ANGPT1: variants seen among roughly 807,000 people sequenced by gnomAD.
ANGPT1 encodes the protein angiopoietin 1.
Under a neutral mutation model 62.2 loss-of-function variants are expected in ANGPT1, and 17 were observed. That is an observed-to-expected ratio of 0.27 (90% CI 0.19 to 0.41). The LOEUF (loss-of-function observed/expected upper bound fraction) is 0.41. Among genes scored for constraint, ANGPT1 ranks in the 10% least tolerant of loss-of-function variants. The pLI is 1.00. For missense variants in ANGPT1, 478 were observed against 594.9 expected (o/e 0.80, Z 2.04); for synonymous variants, 199 against 198.9 (o/e 1.00, Z 0.00).
intron 1 of ANGPT1, among the ~76,000 whole-genome samples, chr8:107,408,080 A>G (rs1817186599): frequency 6.6e-6 from 1 of 152,206 alleles, no homozygotes; most frequent in Admixed American, 6.5e-5. Context: ...TTTCTTACAA[A>G]AAAATAAAAA....
At chr8:107,424,333 TG>T (rs1810981144) in intron 1 of ANGPT1, among the ~76,000 whole-genome samples, 1 of 152,146 alleles carries the variant, frequency 6.6e-6, no homozygotes, top group Admixed American at 6.5e-5. Context: ...TTGACTCTGG[TG>T]ATAAAATAAT....
intron 1 of ANGPT1, among the ~76,000 whole-genome samples, chr8:107,430,194 T>C (rs1020750695): frequency 6.6e-6 from 1 of 152,222 alleles, no homozygotes; most frequent in Admixed American, 6.5e-5. Context: ...TTAATGTTCT[T>C]GGAATTTCAC....
intron 1 of ANGPT1, among the ~76,000 whole-genome samples, chr8:107,417,551 C>T (rs1021161386): frequency 5.9e-5 from 9 of 151,962 alleles, no homozygotes; most frequent in African/African-American, 2.2e-4. Flanking sequence ...TTTCATCCCC[C>T]GTTATTTTCA....
chr8:107,324,561 C>T (rs1815241194), intron 3 of ANGPT1, among the ~76,000 whole-genome samples: 1 of 152,018 alleles, frequency 6.6e-6, no homozygotes, highest in Admixed American at 6.5e-5. Context: ...GACTTTCAGC[C>T]TCCAGAATAT....
chr8:107,453,515 G>A (rs746668268), intron 1 of ANGPT1, among the ~76,000 whole-genome samples: 34 of 151,962 alleles, frequency 2.2e-4, no homozygotes, highest in Non-Finnish European at 4.0e-4. Context: ...ATCTGATCTC[G>A]TGAGCCTTAT....
chr8:107,350,523 T>C (rs1815910065), intron 1 of ANGPT1, among the ~76,000 whole-genome samples: 1 of 152,090 alleles, frequency 6.6e-6, no homozygotes, highest in Non-Finnish European at 1.5e-5. Flanking sequence ...TGTGCTTTTT[T>C]TAATTATAAA....
chr8:107,432,339 T>C (rs549942353), intron 1 of ANGPT1, among the ~76,000 whole-genome samples: 5 of 152,302 alleles, frequency 3.3e-5, no homozygotes, highest in Admixed American at 2.6e-4. Context: ...GAGATATAGC[T>C]TTCTTAGGAA....
intron 1 of ANGPT1, among the ~76,000 whole-genome samples, chr8:107,469,682 A>T (rs577246037): frequency 6.6e-6 from 1 of 152,142 alleles, no homozygotes; most frequent in South Asian, 2.1e-4. Flanking sequence ...CAGACTACAC[A>T]TCCGCCTTAA....
chr8:107,432,554 C>T (rs1428725033), intron 1 of ANGPT1, among the ~76,000 whole-genome samples: 1 of 151,652 alleles, frequency 6.6e-6, no homozygotes, highest in Non-Finnish European at 1.5e-5. Context: ...GTCCCAGCTA[C>T]TCGGGAGGCT....
At chr8:107,261,283 AT>A (rs1813484445) in intron 8 of ANGPT1, among the ~76,000 whole-genome samples, 1 of 151,560 alleles carries the variant, frequency 6.6e-6, no homozygotes, top group Non-Finnish European at 1.5e-5. Context: ...TTAAAAAAAA[AT>A]ATTAGATTTG....
intron 7 of ANGPT1, chr8:107,284,372 T>C (rs991021856): frequency 5.2e-5 from 8 of 152,574 alleles, no homozygotes; most frequent in Non-Finnish European, 1.1e-4. Context: ...GTATGAAACT[T>C]ATCAGTTTTA....
chr8:107,376,065 A>G (rs1259610264), intron 1 of ANGPT1, among the ~76,000 whole-genome samples: 3 of 152,020 alleles, frequency 2.0e-5, no homozygotes, highest in Admixed American at 6.6e-5. Flanking sequence ...TTTTCCAAAC[A>G]TTTCCCTTCT....
At chr8:107,336,489 C>T (rs1815565527) in intron 2 of ANGPT1, 1 of 548,996 alleles carries the variant, frequency 1.8e-6, no homozygotes, top group African/African-American at 2.1e-5. Flanking sequence ...CATGGTGAAA[C>T]CCCGTCTCTA....
chr8:107,400,902 T>C (rs1167999096), intron 1 of ANGPT1, among the ~76,000 whole-genome samples: 2 of 151,974 alleles, frequency 1.3e-5, no homozygotes, highest in Non-Finnish European at 2.9e-5. Context: ...AGATTTACAC[T>C]AGATCATGCT....
At chr8:107,405,441 T>C (rs1228610148) in intron 1 of ANGPT1, among the ~76,000 whole-genome samples, 1 of 151,994 alleles carries the variant, frequency 6.6e-6, no homozygotes, top group Admixed American at 6.6e-5. Flanking sequence ...GCTGATATGA[T>C]GCCACAAATG....
intron 7 of ANGPT1, among the ~76,000 whole-genome samples, chr8:107,273,226 G>T (rs951534946): frequency 3.9e-5 from 6 of 152,118 alleles, no homozygotes; most frequent in African/African-American, 9.7e-5. Context: ...AGAGCAATAA[G>T]AAACTTTCTT....
chr8:107,300,034 G>T (rs193155767), intron 5 of ANGPT1, among the ~76,000 whole-genome samples: 1 of 138,030 alleles, frequency 7.2e-6, no homozygotes. Context: ...GTTATATCTA[G>T]ATATAACTAT....
chr8:107,444,070 GA>G (rs1299837874), intron 1 of ANGPT1, among the ~76,000 whole-genome samples: 7 of 152,130 alleles, frequency 4.6e-5, no homozygotes, highest in Non-Finnish European at 4.4e-5. Flanking sequence ...ATTGCTCTCA[GA>G]AAGTATTCTG....
chr8:107,477,488 G>A (rs1358592253), intron 1 of ANGPT1, among the ~76,000 whole-genome samples: 4 of 152,140 alleles, frequency 2.6e-5, no homozygotes, highest in East Asian at 1.9e-4. Flanking sequence ...CCATGGGTCC[G>A]TGTGTTTTCA....
Sources: allele counts gnomAD v4.1 joint callset (sites outside exome capture counted in the v4.1 genomes callset), GRCh38; gene constraint gnomAD v4.1.1; transcripts MANE v1.5; gene names NCBI Gene and HGNC (gene_info 2026-07-23, HGNC 2026-07-21).